POLR1D: variants seen among roughly 807,000 people sequenced by gnomAD.
POLR1D encodes DNA-directed RNA polymerases I and III subunit RPAC2.
Under a neutral mutation model 10.8 loss-of-function variants are expected in POLR1D, and 8 were observed. The observed-to-expected ratio is 0.74, with a 90% confidence interval of 0.43 to 1.33. The LOEUF is 1.33. Among genes scored for constraint, POLR1D ranks in the 40% most tolerant of loss-of-function variants. POLR1D has a pLI of 0.01. For missense variants in POLR1D, 152 were observed against 161.7 expected, an observed-to-expected ratio of 0.94 and a Z score of 0.32; for synonymous variants, 54 against 57.2, an observed-to-expected ratio of 0.94 and a Z score of 0.25.
At chr13:27,623,865 T>C (rs1211636483), downstream of POLR1D, among the ~76,000 whole-genome samples, 1 of 152,212 alleles carries the variant, frequency 6.6e-6, no homozygotes, top group African/African-American at 2.4e-5. Context: ...ACAGGAAAGA[T>C]ACCAGTTTAC....
At chr13:27,633,124 A>G (rs1335196599) in intron 1 of POLR1D, among the ~76,000 whole-genome samples, 1 of 152,178 alleles carries the variant, frequency 6.6e-6, no homozygotes, top group Non-Finnish European at 1.5e-5. Context: ...GCAGGCAAAG[A>G]TAGAGTGCCA....
At chr13:27,630,072 C>T (rs556517038) in intron 1 of POLR1D, among the ~76,000 whole-genome samples, 5 of 152,134 alleles carry the variant, frequency 3.3e-5, no homozygotes, top group African/African-American at 7.2e-5. Context: ...CCACCAGGCC[C>T]GGCTAATTTT....
downstream of POLR1D, among the ~76,000 whole-genome samples, chr13:27,623,604 C>T (rs934617820): frequency 2.6e-5 from 4 of 152,080 alleles, no homozygotes; most frequent in African/African-American, 9.7e-5. Context: ...ATATCCATGT[C>T]TGTAGTTGGA....
chr13:27,627,932 A>G (rs1956033881), downstream of POLR1D, among the ~76,000 whole-genome samples: 2 of 152,176 alleles, frequency 1.3e-5, no homozygotes, highest in South Asian at 4.1e-4. Flanking sequence ...CAGATTCTAT[A>G]GAGGGGTAAT....
At chr13:27,626,311 C>T (rs2138524551), downstream of POLR1D, among the ~76,000 whole-genome samples, 1 of 152,312 alleles carries the variant, frequency 6.6e-6, no homozygotes, top group East Asian at 1.9e-4. Context: ...CAGTGGGAAA[C>T]ACAGCCAGAG....
chr13:27,621,855 T>C (rs1566139702), upstream of POLR1D: 2 of 965,512 alleles, frequency 2.1e-6, no homozygotes, highest in Non-Finnish European at 1.6e-6. Flanking sequence ...CGGCTCCTCC[T>C]CCCTCCTTCC....
At chr13:27,634,257 T>C (rs1956100763) in intron 1 of POLR1D, among the ~76,000 whole-genome samples, 1 of 152,212 alleles carries the variant, frequency 6.6e-6, no homozygotes, top group African/African-American at 2.4e-5. Context: ...GATTAGGAAC[T>C]GTTGTGCTGA....
At chr13:27,628,131 A>G (rs997055545), downstream of POLR1D, among the ~76,000 whole-genome samples, 44 of 152,144 alleles carry the variant, frequency 2.9e-4, no homozygotes, top group Admixed American at 9.8e-4. Context: ...ATATCAGAAG[A>G]ATTCATGTAT....
Position 27,622,898 on chromosome 13 carries a change from C to T in POLR1D, c.50C>T (p.Ser17Leu). 6.2e-7 allele frequency: 1 copy of T among 1,609,122 alleles called. No homozygotes were observed. The highest frequency in any genetic ancestry group is 8.5e-7 in the Non-Finnish European group (1 of 1,175,490). ...AGAAAAATATCTGGATTGAAGACCT[C>T]AATGGCTGAAGGCGAGAGGAAGACA... is the stretch of plus-strand genomic sequence containing the variant. ...LERKISGLKT[S>L]MAEGERKTAL... The change falls in exon 2 of 2, where the codon TCA (serine) becomes TTA (leucine). Residue 17 changes from serine (S) to leucine (L), a missense_variant. Coordinates refer to ENST00000302979, the MANE Select transcript of POLR1D (RefSeq NM_015972.4).
At chr13:27,655,625 C>G (rs936758007) in intron 2 of POLR1D, among the ~76,000 whole-genome samples, 1 of 152,286 alleles carries the variant, frequency 6.6e-6, no homozygotes, top group Admixed American at 6.5e-5. Flanking sequence ...GACTTAATGT[C>G]AGGTTGCCCT....
chr13:27,652,876 A>G (rs1956278191), intron 2 of POLR1D, among the ~76,000 whole-genome samples: 1 of 151,562 alleles, frequency 6.6e-6, no homozygotes, highest in African/African-American at 2.4e-5. Context: ...CAAAAAAAAA[A>G]AAAGAAAACT....
At chr13:27,637,868 C>T (rs1956140202) in intron 1 of POLR1D, among the ~76,000 whole-genome samples, 4 of 151,852 alleles carry the variant, frequency 2.6e-5, no homozygotes, top group Admixed American at 2.6e-4. Flanking sequence ...TGAGATCAAG[C>T]CATCCTCCCC....
At chr13:27,641,145 AG>A (rs1281025305) in intron 1 of POLR1D, among the ~76,000 whole-genome samples, 5 of 151,848 alleles carry the variant, frequency 3.3e-5, no homozygotes, top group African/African-American at 1.2e-4. Context: ...TTACAAAAAA[AG>A]GGGCACTGCA....
At chr13:27,642,781 TA>T (rs1392498116) in intron 1 of POLR1D, among the ~76,000 whole-genome samples, 1 of 152,226 alleles carries the variant, frequency 6.6e-6, no homozygotes, top group East Asian at 1.9e-4. Context: ...TCAAATATTT[TA>T]TTTTATCCTC....
intron 2 of POLR1D, among the ~76,000 whole-genome samples, chr13:27,652,907 A>ACTTCTTTTTTTTTTTTTTTTTTTT (rs1365436145): frequency 1.3e-5 from 1 of 78,530 alleles, no homozygotes; most frequent in African/African-American, 6.0e-5. Flanking sequence ...TGCATTTACC[A>ACTTCTTTTTTTTTTTTTTTTTTTT]TTTCTTTTTT....
chr13:27,646,909 A>T (rs1956226278), intron 1 of POLR1D, among the ~76,000 whole-genome samples: 1 of 152,206 alleles, frequency 6.6e-6, no homozygotes, highest in Admixed American at 6.5e-5. Context: ...CATGAAATAA[A>T]ACATTCTTGT....
At chr13:27,647,834 A>G (rs1279317161) in intron 1 of POLR1D, among the ~76,000 whole-genome samples, 3 of 152,194 alleles carry the variant, frequency 2.0e-5, no homozygotes, top group African/African-American at 7.2e-5. Context: ...AGGACAAAGT[A>G]AAAAATTTTT....
intron 1 of POLR1D, among the ~76,000 whole-genome samples, chr13:27,635,603 A>C (rs888304722): frequency 6.6e-6 from 1 of 151,650 alleles, no homozygotes; most frequent in African/African-American, 2.4e-5. Context: ...TCAATAGTCT[A>C]TCTATGATTA....
Position 27,621,929 on chromosome 13 carries a change from G to A in POLR1D, c.-55G>A, listed in dbSNP as rs1270060624. On this transcript the variant is annotated 5_prime_UTR_variant, in exon 1 of 2. Coordinates refer to ENST00000302979, the MANE Select transcript of POLR1D (RefSeq NM_015972.4). Reference sequence around the variant, plus strand: ...CTTCGCCTCCGCGCCTCGCGCTATGGGACAGAGCCCCCGATCCGCCAGCAC... The same window carrying A: ...CTTCGCCTCCGCGCCTCGCGCTATGAGACAGAGCCCCCGATCCGCCAGCAC... 6.4e-7 allele frequency: 1 copy of A among 1,562,360 alleles called. No homozygotes were observed. The highest frequency in any genetic ancestry group is 8.7e-7 in the Non-Finnish European group (1 of 1,149,864).
Sources: allele counts gnomAD v4.1 joint callset (sites outside exome capture counted in the v4.1 genomes callset), GRCh38; gene constraint gnomAD v4.1.1; transcripts MANE v1.5; gene names NCBI Gene and HGNC (gene_info 2026-07-23, HGNC 2026-07-21).